Variants in KIRREL3 observed in about 807,000 individuals in gnomAD.
KIRREL3 encodes the protein kirre like nephrin family adhesion molecule 3, also known as kin of IRRE-like protein 3.
A neutral mutation model predicts 89.7 loss-of-function variants in KIRREL3; 36 were observed. The observed-to-expected ratio is 0.40, with a 90% CI of 0.31 to 0.53. The LOEUF (loss-of-function observed/expected upper bound fraction) is 0.53, where lower values mean the gene tolerates loss of function less well. Ranked by LOEUF, KIRREL3 falls within the 20% of genes least tolerant of loss-of-function variation. The pLI is 0.49. For missense variants in KIRREL3, 864 were observed against 1,056.6 expected (o/e 0.82, Z 2.53); for synonymous variants, 445 against 441.4 (o/e 1.01, Z -0.10).
Position 126,555,949 on chromosome 11 carries a change from C to G in KIRREL3, c.133+6886G>C, listed in dbSNP as rs779771070. ...TAGAGGTGGGGTTTCACTATTTTGG[C>G]CAGGCTGGTCTCAAACTCCTGACCT... On this transcript the variant is annotated intron_variant, in intron 2 of 16. Coordinates refer to ENST00000525144, the MANE Select transcript of KIRREL3 (RefSeq NM_032531.4). The surrounding 1 kb of genome is among the most constrained non-coding windows in gnomAD (Gnocchi z 4.2). Among the ~76,000 whole-genome samples, 3 of 152,134 alleles carry G rather than the reference C, an allele frequency of 2.0e-5. No individual in the cohort carries two copies. Among genetic ancestry groups the G allele is most frequent in the Non-Finnish European group, 4.4e-5 (3 of 68,022 alleles).
intron 1 of KIRREL3, among the ~76,000 whole-genome samples, chr11:126,921,490 CCTAT>C (rs776957855): frequency 1.5e-4 from 23 of 150,606 alleles, no homozygotes; most frequent in South Asian, 2.1e-4. Flanking sequence ...TTCCTGTGTT[CCTAT>C]CTATTATCTA....
At chr11:126,517,129 A>AGG (rs1292773926) in intron 4 of KIRREL3, among the ~76,000 whole-genome samples, 13 of 119,914 alleles carry the variant, frequency 1.1e-4, no homozygotes, top group African/African-American at 4.1e-4. Flanking sequence ...TGAGAGAGAG[A>AGG]GAGAGAAAGA....
chr11:126,463,262 A>G lies in KIRREL3; in HGVS notation c.637T>C (p.Phe213Leu), dbSNP rs758090391. 2 of 1,613,736 alleles carry G rather than the reference A, an allele frequency of 1.2e-6. No individual in the cohort carries two copies. The highest frequency in any genetic ancestry group is 1.7e-6 in the Non-Finnish European group (2 of 1,179,820). The change falls in exon 6 of 17, where the codon TTC becomes CTC. Residue 213 changes from phenylalanine to leucine, a missense_variant. By Grantham distance (22) the Phe-to-Leu change is conservative. Transcript: ENST00000525144. The surrounding 1 kb of genome is among the most constrained non-coding windows in gnomAD (Gnocchi z 5.9). ...GKRESIVSTL[F>L]ISPGDVENGQ... is the part of the protein sequence containing the mutation. ...TTCTCCACGTCACCAGGGGAGATGA[A>G]GAGGGTGCTGACGATGCTCTCCCGC... is the stretch of plus-strand genomic sequence containing the variant.
intron 1 of KIRREL3, among the ~76,000 whole-genome samples, chr11:126,730,031 C>T (rs1948550224): frequency 6.6e-6 from 1 of 152,196 alleles, no homozygotes; most frequent in African/African-American, 2.4e-5. Flanking sequence ...TTTCCATTCC[C>T]TCTCAGTCCC....
rs79081542 is a variant in KIRREL3, at chr11:126,602,177, T to A, written c.56-39265A>T. Among the ~76,000 whole-genome samples, 480 of 152,316 alleles carry A rather than the reference T, an allele frequency of 3.2e-3. 2 individuals carry two copies. The highest frequency in any genetic ancestry group is 0.01 in the African/African-American group (424 of 41,550). Reference sequence around the variant, plus strand: ...GCAGCGTTTCTGTTTTGCCTTTTGATGAAAGCCTACTCTGGCTGCTCTGAA... The same window carrying A: ...GCAGCGTTTCTGTTTTGCCTTTTGAAGAAAGCCTACTCTGGCTGCTCTGAA... On this transcript the variant is annotated intron_variant, in intron 1 of 16. Transcript: ENST00000525144.
At chr11:126,942,134 C>T (rs895951983) in intron 1 of KIRREL3, among the ~76,000 whole-genome samples, 12 of 152,124 alleles carry the variant, frequency 7.9e-5, no homozygotes, top group African/African-American at 1.7e-4. Flanking sequence ...TGGAATAGAG[C>T]GTACGCCCAT....
intron 6 of KIRREL3, among the ~76,000 whole-genome samples, chr11:126,458,682 C>T (rs1273868816): frequency 3.3e-5 from 5 of 152,160 alleles, no homozygotes; most frequent in East Asian, 1.9e-4. Flanking sequence ...TAGTTCCAGA[C>T]GGGGGACCAC....
intron 1 of KIRREL3, among the ~76,000 whole-genome samples, chr11:126,821,704 G>A (rs1943232536): frequency 6.6e-6 from 1 of 152,078 alleles, no homozygotes; most frequent in Non-Finnish European, 1.5e-5. Flanking sequence ...AGTATCCTGG[G>A]CCATCTCGGT....
At chr11:126,986,230 G>C (rs1949863056) in intron 1 of KIRREL3, among the ~76,000 whole-genome samples, 1 of 152,148 alleles carries the variant, frequency 6.6e-6, no homozygotes, top group South Asian at 2.1e-4. Flanking sequence ...TGAAAAAAGA[G>C]GCCCAGATGC....
chr11:126,601,097 T>G lies in KIRREL3; in HGVS notation c.56-38185A>C, dbSNP rs1463826529. ...CCCCGTCCTCCCAGCCCCCCGATGT[T>G]CCAGGAAGCCAAAGCACAGAGCAAT... On this transcript the variant is annotated intron_variant, in intron 1 of 16. Transcript: ENST00000525144. This position sits in a 1 kb window ranked among gnomAD's most constrained non-coding sequence, Gnocchi z 5.8. Among the ~76,000 whole-genome samples, 1 of 149,560 alleles carries G rather than the reference T, an allele frequency of 6.7e-6. No individual in the cohort carries two copies. The highest frequency in any genetic ancestry group is 1.5e-5 in the Non-Finnish European group (1 of 67,350).
At chr11:126,799,226 CTGTGTATCTGTGTGTGGATG>C (rs1950918838) in intron 1 of KIRREL3, among the ~76,000 whole-genome samples, 3 of 15,974 alleles carry the variant, frequency 1.9e-4, no homozygotes, top group African/African-American at 2.8e-4. Flanking sequence ...GTGTGTGTAT[CTGTGTATCTGTGTGTGGATG>C]TGTGTATCTG....
intron 6 of KIRREL3, among the ~76,000 whole-genome samples, chr11:126,458,478 A>G (rs1956445396): frequency 6.6e-6 from 1 of 152,088 alleles, no homozygotes; most frequent in Admixed American, 6.5e-5. Flanking sequence ...TTCGGATCAC[A>G]TAACTGCTCA....
intron 4 of KIRREL3, among the ~76,000 whole-genome samples, chr11:126,473,878 C>G (rs1034365788): frequency 6.6e-6 from 1 of 152,220 alleles, no homozygotes; most frequent in African/African-American, 2.4e-5. Context: ...ACTGCAACCT[C>G]TGCCTCCCAG....
intron 1 of KIRREL3, among the ~76,000 whole-genome samples, chr11:126,604,338 A>G (rs1450645553): frequency 3.3e-5 from 5 of 152,360 alleles, no homozygotes; most frequent in Non-Finnish European, 7.3e-5. Flanking sequence ...GAAACTGAGT[A>G]TTCCATACAT....
rs183670785 is a variant in KIRREL3, at chr11:126,523,503, T to C, written c.284-2039A>G. On this transcript the variant is annotated intron_variant, in intron 3 of 16. Coordinates refer to ENST00000525144, the MANE Select transcript of KIRREL3 (RefSeq NM_032531.4). The surrounding 1 kb of genome is among the most constrained non-coding windows in gnomAD (Gnocchi z 4.9). The stretch of plus-strand genomic sequence containing the variant: ...GTCTTCATGGCTACCATCCTCATCA[T>C]GCAATAAAATGGCCCTGTCCTCCCC... Among the ~76,000 whole-genome samples the C allele has an allele frequency of 1.5e-3, 231 of 152,278 alleles. No individual in the cohort carries two copies. The highest frequency in any genetic ancestry group is 3.0e-3 in the Non-Finnish European group (206 of 68,010).
At chr11:126,950,158 A>G (rs1358784276) in intron 1 of KIRREL3, among the ~76,000 whole-genome samples, 1 of 152,146 alleles carries the variant, frequency 6.6e-6, no homozygotes, top group African/African-American at 2.4e-5. Flanking sequence ...TGGATCATGA[A>G]GTCAGGAGAT....
chr11:126,845,986 T>C (rs1944128519), intron 1 of KIRREL3, among the ~76,000 whole-genome samples: 1 of 152,218 alleles, frequency 6.6e-6, no homozygotes, highest in Admixed American at 6.5e-5. Flanking sequence ...GTTTTCCTCA[T>C]GGAACCTCAG....
rs1018080337 is a variant in KIRREL3 at position 126,912,525 on chromosome 11, C to T, written c.55+87930G>A. Among the ~76,000 whole-genome samples, 1 of 152,206 alleles carries T rather than the reference C, an allele frequency of 6.6e-6. No individual in the cohort carries two copies. The highest frequency in any genetic ancestry group is 6.5e-5 in the Admixed American group (1 of 15,280). ...ACCAAGAACATATCACACTCACCTACAAAACAAGCAACCCACCATGAGCTG... is the reference window on the plus strand; with the variant it reads ...ACCAAGAACATATCACACTCACCTATAAAACAAGCAACCCACCATGAGCTG... On this transcript the variant is annotated intron_variant, in intron 1 of 16. Transcript: ENST00000525144. This position sits in a 1 kb window ranked among gnomAD's most constrained non-coding sequence, Gnocchi z 4.7.
chr11:126,592,193 T>C (rs541948796), intron 1 of KIRREL3, among the ~76,000 whole-genome samples: 1 of 152,208 alleles, frequency 6.6e-6, no homozygotes, highest in Non-Finnish European at 1.5e-5. Flanking sequence ...TTCCGAACAG[T>C]TATTGTCGTA....
Sources: allele counts gnomAD v4.1 joint callset (sites outside exome capture counted in the v4.1 genomes callset), GRCh38; gene constraint gnomAD v4.1.1; non-coding constraint Gnocchi (gnomAD v3.1); transcripts MANE v1.5; gene names NCBI Gene and HGNC (gene_info 2026-07-23, HGNC 2026-07-21).